Variants in ACSM5 observed in about 807,000 individuals in gnomAD.
ACSM5 encodes acyl-CoA synthetase medium chain family member 5.
Under a neutral mutation model 71.6 loss-of-function variants are expected in ACSM5, and 56 were observed. The observed-to-expected ratio is 0.78, with a 90% CI of 0.63 to 0.98. The LOEUF is 0.98. Ranked by LOEUF, ACSM5 falls within the 50% of genes least tolerant of loss-of-function variation. ACSM5 has a pLI of 0.00. For synonymous variants in ACSM5, 285 were observed against 281.5 expected (o/e 1.01, Z -0.12); for missense variants, 723 against 726.0 (o/e 1.00, Z 0.05).
Position 20,439,936 on chromosome 16 carries a change from C to T in ACSM5, c.1656+17C>T, listed in dbSNP as rs1967288583. 6.2e-7 allele frequency: 1 copy of T among 1,611,666 alleles called. No individual in the cohort carries two copies. On this transcript the variant is annotated intron_variant, in intron 13 of 13. Coordinates refer to ENST00000331849, the MANE Select transcript of ACSM5 (RefSeq NM_017888.3). Reference sequence around the variant, plus strand: ...CCCAGGAAGGTAAATATCAGGGTTTCCAGGGCACAGTGATCTGGGAATCAG... The same window carrying T: ...CCCAGGAAGGTAAATATCAGGGTTTTCAGGGCACAGTGATCTGGGAATCAG...
At chr16:20,425,882 T>C (rs752282400) in intron 6 of ACSM5, among the ~76,000 whole-genome samples, 9 of 152,194 alleles carry the variant, frequency 5.9e-5, no homozygotes, top group Non-Finnish European at 1.2e-4. Flanking sequence ...CAAACTGTGC[T>C]GCTATAAACA....
intron 10 of ACSM5, among the ~76,000 whole-genome samples, chr16:20,431,601 C>A (rs2141657431): frequency 6.6e-6 from 1 of 152,128 alleles, no homozygotes; most frequent in African/African-American, 2.4e-5. Flanking sequence ...ATGAGGGCAG[C>A]ACTGTTGTTT....
chr16:20,430,390 A>G (rs1172242098), intron 8 of ACSM5, among the ~76,000 whole-genome samples: 5 of 151,900 alleles, frequency 3.3e-5, no homozygotes, highest in South Asian at 2.1e-4. Context: ...AGCGTCCTCT[A>G]TAGTCATCTA....
chr16:20,432,306 G>C (rs1967114300), intron 10 of ACSM5, among the ~76,000 whole-genome samples: 1 of 152,138 alleles, frequency 6.6e-6, no homozygotes, highest in South Asian at 2.1e-4. Flanking sequence ...CGAATGTCAA[G>C]CCTGAGAGCC....
rs8062344 is a variant in ACSM5, at chr16:20,429,731, C to G, written c.1055C>G (p.Pro352Arg). The change falls in exon 8 of 14, where the codon CCT (proline) becomes CGT (arginine). Residue 352 changes from proline (P) to arginine (R), a missense_variant. Pro to Arg is a moderately radical substitution (Grantham distance 103, BLOSUM62 -2). Transcript: ENST00000331849. ...HCLTGGEALNPDVREKWKHQT... is the reference protein window; with the variant it reads ...HCLTGGEALNRDVREKWKHQT... The stretch of plus-strand genomic sequence containing the variant: ...CTGACCGGAGGAGAGGCCCTCAACC[C>G]TGACGTGAGGGAGAAGTGGAAACAC... The G allele has an allele frequency of 0.32, 514,115 of 1,612,312 alleles. 88,798 individuals are homozygous for G. The highest frequency in any genetic ancestry group is 0.63 in the African/African-American group (47,127 of 74,834).
chr16:20,410,073 T>A (rs1420676018), intron 1 of ACSM5, among the ~76,000 whole-genome samples: 1 of 152,198 alleles, frequency 6.6e-6, no homozygotes, highest in Non-Finnish European at 1.5e-5. Context: ...TATCTTTAAA[T>A]GGAGAAAATA....
chr16:20,412,681 C>A (rs1810914990), intron 2 of ACSM5, among the ~76,000 whole-genome samples: 2 of 152,084 alleles, frequency 1.3e-5, no homozygotes, highest in Admixed American at 6.5e-5. Context: ...TTGTCCAAAA[C>A]AATTACGGAC....
At chr16:20,438,972 A>G (rs529851141) in intron 12 of ACSM5, among the ~76,000 whole-genome samples, 2 of 150,098 alleles carry the variant, frequency 1.3e-5, no homozygotes, top group East Asian at 3.9e-4. Context: ...AAAAAAAAAA[A>G]AAAAAAGTGT....
chr16:20,417,968 T>C, intron 2 of ACSM5, 91 bp from the exon 3 acceptor site: 2 of 1,248,276 alleles, frequency 1.6e-6, no homozygotes, highest in Non-Finnish European at 2.2e-6. Context: ...GTGAATTTTA[T>C]ATTAACTATT....
At position 20,419,253 on chromosome 16, in the gene ACSM5, T is replaced by A; in HGVS notation, c.441T>A (p.Thr147=). Residue 147 remains threonine (T), a synonymous_variant, in exon 4 of 14, where the codon ACT becomes ACA. Coordinates refer to ENST00000331849, the MANE Select transcript of ACSM5 (RefSeq NM_017888.3). ...RTGTVMIPGV[T]QLTEKDLKYR... is the part of the protein sequence containing the mutation. The stretch of plus-strand genomic sequence containing the variant: ...GGACTGTGATGATTCCGGGTGTGAC[T>A]CAGCTGACAGAGAAGGACCTCAAGT... The A allele has an allele frequency of 6.2e-7, 1 of 1,614,026 alleles. No homozygotes were observed.
intron 2 of ACSM5, among the ~76,000 whole-genome samples, chr16:20,412,996 G>A (rs373358548): frequency 7.9e-5 from 12 of 152,180 alleles, no homozygotes; most frequent in Non-Finnish European, 1.5e-4. Flanking sequence ...TTGTTCATCC[G>A]TGTACTTGAA....
At position 20,429,754 on chromosome 16, in the gene ACSM5, C is replaced by T. The variant is rs752747532; in HGVS notation, c.1078C>T (p.His360Tyr). Reference sequence around the variant, plus strand: ...CCCTGACGTGAGGGAGAAGTGGAAACACCAGACTGGTGTGGAGCTGTACGA... The same window carrying T: ...CCCTGACGTGAGGGAGAAGTGGAAATACCAGACTGGTGTGGAGCTGTACGA... ...LNPDVREKWK[H>Y]QTGVELYEGY... The change falls in exon 8 of 14, where the codon CAC (histidine) becomes TAC (tyrosine). Residue 360 changes from histidine (H) to tyrosine (Y), a missense_variant. By Grantham distance (83) the His-to-Tyr change is moderately conservative. Coordinates refer to ENST00000331849, the MANE Select transcript of ACSM5 (RefSeq NM_017888.3). The T allele has an allele frequency of 6.2e-6, 10 of 1,611,026 alleles. No homozygotes were observed. In the African/African-American group the frequency reaches 6.7e-5, roughly 11 times the overall value.
In ACSM5 at chr16:20,440,704, C is replaced by G. The variant is rs1967311470; in HGVS notation, c.*277C>G. 1 of 343,952 alleles carries G rather than the reference C, an allele frequency of 2.9e-6. No homozygotes were observed. Among genetic ancestry groups the G allele is most frequent in the Admixed American group, 4.0e-5 (1 of 25,050 alleles). The allele number at this position is 343,952 out of a possible 1,614,324, so 21.3% of individuals were successfully genotyped here. Reference sequence around the variant, plus strand: ...AGGCTCAGCATCTGCCCACTGGTCTCACTAAGAGCTTTCAGATTTCCCTCC... The same window carrying G: ...AGGCTCAGCATCTGCCCACTGGTCTGACTAAGAGCTTTCAGATTTCCCTCC... On this transcript the variant is annotated 3_prime_UTR_variant, in exon 14 of 14. Coordinates refer to ENST00000331849, the MANE Select transcript of ACSM5 (RefSeq NM_017888.3).
At chr16:20,416,281 C>G (rs1466069508) in intron 2 of ACSM5, among the ~76,000 whole-genome samples, 1 of 147,856 alleles carries the variant, frequency 6.8e-6, no homozygotes, top group Non-Finnish European at 1.5e-5. Context: ...ACCAAAACAG[C>G]CTTGAAAAAA....
At chr16:20,419,524 T>C in intron 4 of ACSM5, 89 bp downstream of exon 4, 13 of 1,305,184 alleles carry the variant, frequency 1.0e-5, no homozygotes, top group Non-Finnish European at 1.1e-5. Flanking sequence ...ATTCCACACA[T>C]AGAGAGCGAA....
chr16:20,438,124 G>C (rs1050373130), intron 12 of ACSM5, among the ~76,000 whole-genome samples: 10 of 151,868 alleles, frequency 6.6e-5, no homozygotes, highest in African/African-American at 2.4e-4. Flanking sequence ...CACCGTGCCC[G>C]GCTAGGAGAA....
At chr16:20,432,447 A>G (rs1424933298) in intron 10 of ACSM5, among the ~76,000 whole-genome samples, 1 of 152,234 alleles carries the variant, frequency 6.6e-6, no homozygotes, top group Non-Finnish European at 1.5e-5. Flanking sequence ...TGTCACTACA[A>G]GAGAAATAAT....
In ACSM5 at chr16:20,427,864, C is replaced by G. The variant is rs763570628; in HGVS notation, c.998C>G (p.Thr333Ser). The change falls in exon 7 of 14, where the codon ACC becomes AGC. Residue 333 changes from threonine to serine, a missense_variant. Coordinates refer to ENST00000331849, the MANE Select transcript of ACSM5 (RefSeq NM_017888.3). ...CGGCTGCTTGTGCAGGAGGATCTGA[C>G]CAGGTACAGCCCGTCTATTTCGTGC... ...IFRLLVQEDL[T>S]RYQFQSLRHC... The G allele has an allele frequency of 2.5e-6, 4 of 1,612,096 alleles. No individual in the cohort carries two copies. In the South Asian group the frequency reaches 3.3e-5, roughly 13 times the overall value.
At chr16:20,421,925 C>G (rs115339822) in intron 5 of ACSM5, among the ~76,000 whole-genome samples, 2,118 of 151,672 alleles carry the variant, frequency 0.014, 50 homozygotes, top group African/African-American at 0.048. Flanking sequence ...ATTTGATACT[C>G]TAGGTATTTC....
Sources: gnomAD v4.1 joint callset for allele counts (sites outside exome capture counted in the v4.1 genomes callset) on GRCh38, gnomAD v4.1.1 for gene constraint, MANE v1.5 for transcripts, NCBI Gene and HGNC (gene_info 2026-07-23, HGNC 2026-07-21) for gene names.